The following COG3 variants were observed in gnomAD, a reference collection of about 807,000 sequenced individuals.
COG3 encodes the protein component of oligomeric golgi complex 3.
COG3 carries 32 observed loss-of-function variants against 114.1 expected under a neutral mutation model. The observed-to-expected ratio is 0.28, with a 90% CI of 0.21 to 0.38. COG3 has a LOEUF of 0.38. Among genes scored for constraint, COG3 ranks in the 10% least tolerant of loss-of-function variants. The pLI is 1.00. For missense variants in COG3, 813 were observed against 973.2 expected, an observed-to-expected ratio of 0.84 and a Z score of 2.19; for synonymous variants, 352 against 365.7, an observed-to-expected ratio of 0.96 and a Z score of 0.43.
rs563884063 is a variant in COG3, at chr13:45,479,558, T to C, written c.383+492T>C. 1.1e-4 allele frequency among the ~76,000 whole-genome samples: 17 copies of C among 152,282 alleles called. No individual in the cohort carries two copies. In the South Asian group the frequency reaches 2.7e-3, roughly 24 times the overall value. ...GTTGATGGCTATTATTGCTAGGCAGTGTGGTAGACTCTTTAATGTATGATC... is the reference window on the plus strand; with the variant it reads ...GTTGATGGCTATTATTGCTAGGCAGCGTGGTAGACTCTTTAATGTATGATC... On this transcript the variant is annotated intron_variant, in intron 3 of 22. Coordinates refer to ENST00000349995, the MANE Select transcript of COG3 (RefSeq NM_031431.4).
intron 19 of COG3, among the ~76,000 whole-genome samples, chr13:45,519,888 G>GA (rs1871932772): frequency 6.6e-6 from 1 of 152,164 alleles, no homozygotes; most frequent in Admixed American, 6.5e-5. Context: ...CCAGCAAAGA[G>GA]AAAAGCAGAT....
intron 2 of COG3, among the ~76,000 whole-genome samples, chr13:45,476,888 C>T (rs1281333966): frequency 6.6e-6 from 1 of 152,132 alleles, no homozygotes; most frequent in African/African-American, 2.4e-5. Context: ...AAAGTTGAGG[C>T]ATTGACCAAA....
At chr13:45,534,556 A>C (rs9595339) in intron 22 of COG3, 146 bp from the exon 23 acceptor site, 35,819 of 433,014 alleles carry the variant, frequency 0.083, 1,905 homozygotes, top group African/African-American at 0.19. Flanking sequence ...TTTAGATTCA[A>C]GGGGTACATA....
intron 19 of COG3, among the ~76,000 whole-genome samples, chr13:45,520,727 T>C (rs1220998104): frequency 6.6e-6 from 1 of 152,108 alleles, no homozygotes; most frequent in Admixed American, 6.5e-5. Flanking sequence ...ACAAAAGCCA[T>C]AAAAAAGGAG....
intron 15 of COG3, 61 bp from the exon 16 acceptor site, chr13:45,511,702 GAT>G (rs1870885115): frequency 8.1e-7 from 1 of 1,235,178 alleles, no homozygotes; most frequent in South Asian, 1.2e-5. Flanking sequence ...TACAGCCTAG[GAT>G]ATTCCTTTTT....
chr13:45,525,679 C>A (rs1447936813), intron 20 of COG3, among the ~76,000 whole-genome samples: 1 of 98,370 alleles, frequency 1.0e-5, no homozygotes, highest in Non-Finnish European at 1.9e-5. Flanking sequence ...CATTTAAAAT[C>A]ATGACTAACT....
At chr13:45,520,612 T>C (rs1872028154) in intron 19 of COG3, among the ~76,000 whole-genome samples, 1 of 152,184 alleles carries the variant, frequency 6.6e-6, no homozygotes, top group Non-Finnish European at 1.5e-5. Flanking sequence ...CAAAAATGCA[T>C]AGAAATGTTA....
Position 45,480,178 on chromosome 13 carries a change from A to G in COG3, c.437A>G (p.Asn146Ser), listed in dbSNP as rs775527182. The G allele has an allele frequency of 3.1e-6, 5 of 1,613,866 alleles. No homozygotes were observed. In the East Asian group the frequency reaches 1.1e-4, roughly 36 times the overall value. ...CAGGAGCAGTGTGATGCTATATTGA[A>G]TGATGTAAACAGTGCTCTTCAGCAT... The part of the protein sequence containing the change: ...GFQEQCDAIL[N>S]DVNSALQHLE... Residue 146 changes from asparagine to serine, a missense_variant, in exon 4 of 23, where the codon AAT becomes AGT. Physicochemically the swap from Asn to Ser is conservative, Grantham distance 46 (BLOSUM62 1). This residue lies in a region of COG3 where 424 missense variants were observed against 430.6 expected (regional missense o/e 0.98). Coordinates refer to ENST00000349995, the MANE Select transcript of COG3 (RefSeq NM_031431.4).
At chr13:45,476,093 A>G in intron 1 of COG3, 108 bp from the exon 2 acceptor site, 2 of 1,008,858 alleles carry the variant, frequency 2.0e-6, no homozygotes, top group Non-Finnish European at 3.0e-6. Context: ...GATTTAATGG[A>G]AAATATTTCT....
chr13:45,495,626 T>G (rs1200754010), intron 12 of COG3, among the ~76,000 whole-genome samples: 1 of 152,058 alleles, frequency 6.6e-6, no homozygotes, highest in Non-Finnish European at 1.5e-5. Flanking sequence ...GTGATCTGCC[T>G]GCCTCAGCCT....
chr13:45,531,921 A>G (rs1012277092), intron 22 of COG3: 2 of 152,166 alleles, frequency 1.3e-5, no homozygotes, highest in Non-Finnish European at 2.9e-5. Context: ...TCATCTTTTT[A>G]AAGTGCAGAG....
Position 45,535,581 on chromosome 13 carries a change from C to G in COG3, c.*850C>G. Reference sequence around the variant, plus strand: ...CCTGAATGAAGGTTCAGGTCACCAGCCTTCTGTACACTGCCTTTGGTTTTA... The same window carrying G: ...CCTGAATGAAGGTTCAGGTCACCAGGCTTCTGTACACTGCCTTTGGTTTTA... On this transcript the variant is annotated 3_prime_UTR_variant, in exon 23 of 23. Transcript: ENST00000349995. 1.0e-6 allele frequency: 1 copy of G among 985,656 alleles called. No individual in the cohort carries two copies. Among genetic ancestry groups the G allele is most frequent in the Non-Finnish European group, 1.2e-6 (1 of 830,104 alleles). 61.1% of individuals were successfully genotyped at this position (985,656 alleles called of 1,614,324 possible).
intron 1 of COG3, among the ~76,000 whole-genome samples, chr13:45,468,824 GACAGTGCTGGTAAGCAGC>G (rs1885301932): frequency 6.6e-6 from 1 of 152,232 alleles, no homozygotes; most frequent in South Asian, 2.1e-4. Context: ...TGGAAGCCAG[GACAGTGCTGGTAAGCAGC>G]AGGCATTCAG....
intron 19 of COG3, among the ~76,000 whole-genome samples, chr13:45,520,575 C>G (rs1031609985): frequency 1.3e-5 from 2 of 152,024 alleles, no homozygotes; most frequent in Non-Finnish European, 2.9e-5. Flanking sequence ...ACAGAAAATA[C>G]GAGTTTTAAA....
chr13:45,467,995 T>C (rs1885252805), intron 1 of COG3, among the ~76,000 whole-genome samples: 1 of 152,222 alleles, frequency 6.6e-6, no homozygotes, highest in Non-Finnish European at 1.5e-5. Context: ...AGTCTTATCT[T>C]AAAAAGGAAT....
intron 22 of COG3, 38 bp downstream of exon 22, chr13:45,530,818 C>T (rs1352666975): frequency 3.1e-6 from 5 of 1,589,016 alleles, no homozygotes; most frequent in Non-Finnish European, 4.3e-6. Flanking sequence ...ACTTTTATGC[C>T]CTCTTGGTTA....
At chr13:45,509,589 C>T in intron 14 of COG3, 103 bp from the exon 15 acceptor site, 2 of 1,439,568 alleles carry the variant, frequency 1.4e-6, no homozygotes, top group Non-Finnish European at 1.9e-6. Context: ...CCTCTAGCTA[C>T]TTATAGCTAA....
At chr13:45,514,157 C>T (rs201368204) in intron 16 of COG3, among the ~76,000 whole-genome samples, 4 of 93,850 alleles carry the variant, frequency 4.3e-5, no homozygotes, top group Non-Finnish European at 5.9e-5. Context: ...TGTCCTCTCT[C>T]TTTTTTTTTT....
At chr13:45,504,780 C>A (rs1229454122) in intron 14 of COG3, among the ~76,000 whole-genome samples, 1 of 152,158 alleles carries the variant, frequency 6.6e-6, no homozygotes, top group Non-Finnish European at 1.5e-5. Flanking sequence ...TAGCCACTGC[C>A]ATTGAGCGTG....
Sources: allele counts gnomAD v4.1 joint callset (sites outside exome capture counted in the v4.1 genomes callset), GRCh38; gene constraint gnomAD v4.1.1; regional missense constraint gnomAD v4.1.1; transcripts MANE v1.5; gene names NCBI Gene and HGNC (gene_info 2026-07-23, HGNC 2026-07-21).